C1orf87: variants seen among roughly 807,000 people sequenced by gnomAD.
The protein encoded by C1orf87 is uncharacterized protein C1orf87.
C1orf87 carries 58 observed loss-of-function variants against 60.5 expected under a neutral mutation model. That is an observed-to-expected ratio of 0.96 (90% confidence interval 0.78 to 1.19). The LOEUF (loss-of-function observed/expected upper bound fraction) is 1.19. Ranked by LOEUF, C1orf87 falls within the 50% of genes most tolerant of loss-of-function variation. The pLI is 0.00. For missense variants in C1orf87, 673 were observed against 638.6 expected, an observed-to-expected ratio of 1.05 and a Z score of -0.58; for synonymous variants, 236 against 227.4, an observed-to-expected ratio of 1.04 and a Z score of -0.34.
rs777720537 is a variant in C1orf87, at chr1:60,041,066, C to A, written c.408G>T (p.Val136=). The A allele has an allele frequency of 3.7e-5, 59 of 1,613,242 alleles. No individual in the cohort carries two copies. Among genetic ancestry groups the A allele is most frequent in the Non-Finnish European group, 4.6e-5 (54 of 1,179,468 alleles). Residue 136 remains valine, a synonymous_variant, in exon 4 of 12, where the codon GTG becomes GTT. Coordinates refer to ENST00000371201, the MANE Select transcript of C1orf87 (RefSeq NM_152377.3). ...VPTGDQSLSY[V]HGIPRRKLRD... ...TAAGCTTTCTCCTGGGAATGCCATG[C>A]ACATAGGATAAGGACTGGTCTCCGG... is the stretch of plus-strand genomic sequence containing the variant.
chr1:60,008,393 T>G (rs1645060584), intron 9 of C1orf87, among the ~76,000 whole-genome samples: 1 of 152,066 alleles, frequency 6.6e-6, no homozygotes, highest in Admixed American at 6.6e-5. Context: ...CATATTTTTC[T>G]GCTATTCCAT....
At chr1:60,029,599 C>G (rs1645222204) in intron 7 of C1orf87, among the ~76,000 whole-genome samples, 1 of 150,624 alleles carries the variant, frequency 6.6e-6, no homozygotes, top group South Asian at 2.1e-4. Context: ...CGACTTCTAC[C>G]GAGAACACTT....
chr1:60,030,642 G>A (rs553058079), intron 7 of C1orf87, among the ~76,000 whole-genome samples: 6 of 152,330 alleles, frequency 3.9e-5, no homozygotes, highest in South Asian at 4.1e-4. Context: ...TGAAGAATAT[G>A]GATTGTGTAA....
rs781531140 is a variant in C1orf87 at position 60,055,222 on chromosome 1, GCTA to G, written c.321_323del (p.Ser108del). 2 of 1,613,526 alleles carry G rather than the reference GCTA, an allele frequency of 1.2e-6. No individual in the cohort carries two copies. Among genetic ancestry groups the G allele is most frequent in the South Asian group, 2.2e-5 (2 of 91,066 alleles). ...CACTCACATTGCCATCCAGGAATCTGCTACTGTTTGCCCCTGTTAGTAGTTTCT... is the reference window on the plus strand; with the variant it reads ...CACTCACATTGCCATCCAGGAATCTGCTGTTTGCCCCTGTTAGTAGTTTCT... On this transcript the variant is annotated inframe_deletion, in exon 3 of 12. Transcript: ENST00000371201.
intron 2 of C1orf87, among the ~76,000 whole-genome samples, chr1:60,065,311 T>G (rs1182888676): frequency 6.6e-6 from 1 of 151,616 alleles, no homozygotes; most frequent in Non-Finnish European, 1.5e-5. Flanking sequence ...ATTAGCTTCA[T>G]GGAGAGTTTA....
chr1:60,037,974 A>G lies in C1orf87; in HGVS notation c.863+18T>C. On this transcript the variant is annotated intron_variant, in intron 6 of 11. Coordinates refer to ENST00000371201, the MANE Select transcript of C1orf87 (RefSeq NM_152377.3). Reference sequence around the variant, plus strand: ...AGACACCTAGGAACAATACCCTCACAAAAAGGGAGAAGAGTACCTTTGGCT... The same window carrying G: ...AGACACCTAGGAACAATACCCTCACGAAAAGGGAGAAGAGTACCTTTGGCT... The G allele has an allele frequency of 1.3e-6, 2 of 1,559,266 alleles. No homozygotes were observed. Among genetic ancestry groups the G allele is most frequent in the Non-Finnish European group, 1.8e-6 (2 of 1,133,792 alleles).
At position 60,071,214 on chromosome 1, in the gene C1orf87, G is replaced by A. The variant is rs570397680; in HGVS notation, c.107+1323C>T. Among the ~76,000 whole-genome samples the A allele has an allele frequency of 1.3e-3, 201 of 152,178 alleles. No individual in the cohort carries two copies. The Middle Eastern group carries it at 0.02, about 15-fold the overall frequency. On this transcript the variant is annotated intron_variant, in intron 2 of 11. Coordinates refer to ENST00000371201, the MANE Select transcript of C1orf87 (RefSeq NM_152377.3). ...GTTACATTTTTTATATCTATAGAAA[G>A]ACTTCTATAATAATAGCAGGATTAT...
Position 60,001,120 on chromosome 1 carries a change from T to C in C1orf87, c.1229A>G (p.Glu410Gly), listed in dbSNP as rs1300176597. Residue 410 changes from glutamate (E) to glycine (G), a missense_variant, in exon 10 of 12, where the codon GAG (glutamate) becomes GGG (glycine). Coordinates refer to ENST00000371201, the MANE Select transcript of C1orf87 (RefSeq NM_152377.3). ...TTGAGACATCTCGGGGACTTCAGGC[T>C]CCATTGGAGGGGCAGGGGCTTTCTT... ...NEKKAPAPPM[E>G]PEVPEMSQSK... 3.7e-6 allele frequency: 6 copies of C among 1,603,978 alleles called. No homozygotes were observed. In the Admixed American group the frequency reaches 1.0e-4, roughly 27 times the overall value.
intron 2 of C1orf87, among the ~76,000 whole-genome samples, chr1:60,068,472 C>A (rs1645563404): frequency 6.6e-6 from 1 of 152,160 alleles, no homozygotes; most frequent in Non-Finnish European, 1.5e-5. Context: ...ATCCTCCCCA[C>A]CTCCAGCAAG....
chr1:60,008,602 GCA>G, intron 9 of C1orf87: 1 of 415,820 alleles, frequency 2.4e-6, no homozygotes, highest in South Asian at 1.8e-5. Context: ...CACCAGGGAT[GCA>G]CACACACAGA....
intron 9 of C1orf87, among the ~76,000 whole-genome samples, chr1:60,007,673 A>T (rs1645056153): frequency 6.6e-6 from 1 of 151,960 alleles, no homozygotes; most frequent in Non-Finnish European, 1.5e-5. Context: ...CTAATCTTCT[A>T]GTTATTCTTG....
At chr1:60,038,648 CTT>C (rs761206358) in intron 5 of C1orf87, among the ~76,000 whole-genome samples, 174 of 152,304 alleles carry the variant, frequency 1.1e-3, no homozygotes, top group Non-Finnish European at 1.8e-3. Context: ...CACTCTCTCT[CTT>C]GTTCCTTCTC....
chr1:60,072,193 T>C (rs565541496), intron 2 of C1orf87, among the ~76,000 whole-genome samples: 16 of 152,042 alleles, frequency 1.1e-4, no homozygotes, highest in African/African-American at 3.9e-4. Context: ...CTATTAAACC[T>C]CCCCCACTCT....
At chr1:60,029,645 T>TTG (rs1553127497) in intron 7 of C1orf87, among the ~76,000 whole-genome samples, 1 of 144,966 alleles carries the variant, frequency 6.9e-6, no homozygotes, top group Non-Finnish European at 1.5e-5. Flanking sequence ...AAGTTTTTTT[T>TTG]TTTTTTTTTT....
chr1:60,071,970 T>TAAGA (rs1645587215), intron 2 of C1orf87, among the ~76,000 whole-genome samples: 5 of 152,208 alleles, frequency 3.3e-5, no homozygotes, highest in Non-Finnish European at 5.9e-5. Context: ...CTAGTCATAC[T>TAAGA]GTTCTGTGCT....
chr1:60,037,860 C>T (rs1411032743), intron 6 of C1orf87, 132 bp downstream of exon 6: 4 of 514,280 alleles, frequency 7.8e-6, no homozygotes, highest in Non-Finnish European at 1.4e-5. Flanking sequence ...AGACTTTCAG[C>T]CTTCGCTTCA....
intron 5 of C1orf87, 38 bp downstream of exon 5, chr1:60,039,879 A>T (rs754284914): frequency 1.3e-6 from 2 of 1,581,948 alleles, no homozygotes; most frequent in East Asian, 4.5e-5. Context: ...TTAAGGAAAC[A>T]AAAGGAACCC....
At chr1:60,035,470 C>A (rs967500772) in intron 6 of C1orf87, among the ~76,000 whole-genome samples, 1 of 152,200 alleles carries the variant, frequency 6.6e-6, no homozygotes, top group Non-Finnish European at 1.5e-5. Context: ...AATGCTGGAA[C>A]CTTTTAAAAC....
chr1:60,071,514 C>T (rs924949160), intron 2 of C1orf87, among the ~76,000 whole-genome samples: 1 of 152,212 alleles, frequency 6.6e-6, no homozygotes, highest in Non-Finnish European at 1.5e-5. Context: ...CAGTGGCAGA[C>T]ATTACTAACT....
Sources: gnomAD v4.1 joint callset for allele counts (sites outside exome capture counted in the v4.1 genomes callset) on GRCh38, gnomAD v4.1.1 for gene constraint, MANE v1.5 for transcripts, NCBI Gene and HGNC (gene_info 2026-07-23, HGNC 2026-07-21) for gene names.